SERAC1: variants seen among roughly 807,000 people sequenced by gnomAD.
The protein encoded by SERAC1 is serine active site containing 1, also known as protein SERAC1.
A neutral mutation model predicts 85.7 loss-of-function variants in SERAC1; 36 were observed. That is an observed-to-expected ratio of 0.42 (90% CI 0.32 to 0.55). The LOEUF is 0.55. Among genes scored for constraint, SERAC1 ranks in the 20% least tolerant of loss-of-function variants. The pLI is 0.11. For missense variants in SERAC1, 629 were observed against 796.2 expected (o/e 0.79, Z 2.53); for synonymous variants, 242 against 265.3 (o/e 0.91, Z 0.85).
At position 158,111,398 on chromosome 6, in the gene SERAC1, G is replaced by A. The variant is rs114624250; in HGVS notation, c.1933C>T (p.Arg645Cys). The A allele has an allele frequency of 2.5e-4, 404 of 1,603,836 alleles. 3 individuals are homozygous for A. In the East Asian group the frequency reaches 5.3e-3, roughly 21 times the overall value. ...FLYQRTLQFI[R>C]EALAKDLEN ...TCAAGGTCTTTGGCTAAAGCTTCAC[G>A]AATGAATTGTAAAGTACGCTGGTAC... is the stretch of plus-strand genomic sequence containing the variant. The change falls in exon 17 of 17, where the codon CGT becomes TGT. Residue 645 changes from arginine to cysteine, a missense_variant. By Grantham distance (180) the Arg-to-Cys change is radical (BLOSUM62 -3). Coordinates refer to ENST00000647468, the MANE Select transcript of SERAC1 (RefSeq NM_032861.4).
chr6:158,160,902 T>C (rs897044390), intron 1 of SERAC1: 7 of 152,210 alleles, frequency 4.6e-5, no homozygotes, highest in African/African-American at 1.4e-4. Context: ...CCTAAATATT[T>C]ACCAACATTT....
chr6:158,137,787 G>A (rs530674520), intron 8 of SERAC1, among the ~76,000 whole-genome samples: 1 of 152,254 alleles, frequency 6.6e-6, no homozygotes, highest in East Asian at 1.9e-4. Context: ...GCTGAGGTGA[G>A]AGGATCACTT....
intron 10 of SERAC1, among the ~76,000 whole-genome samples, chr6:158,122,608 C>T (rs1784448299): frequency 6.6e-6 from 1 of 152,102 alleles, no homozygotes; most frequent in African/African-American, 2.4e-5. Flanking sequence ...ATGTGAAACC[C>T]CATCTCTACT....
chr6:158,115,659 C>G (rs557701574), intron 14 of SERAC1, among the ~76,000 whole-genome samples: 1 of 152,094 alleles, frequency 6.6e-6, no homozygotes, highest in Non-Finnish European at 1.5e-5. Context: ...CTGGGGGAGT[C>G]GCACACAGGG....
In SERAC1 at chr6:158,160,188, A is replaced by G. The variant is rs138432723; in HGVS notation, c.-1-1824T>C. Among the ~76,000 whole-genome samples the G allele has an allele frequency of 6.5e-4, 98 of 150,780 alleles. 1 individual carries two copies. In the East Asian group the frequency reaches 0.018, roughly 27 times the overall value. ...TTAAAAGTTTCATACTGATTTGCGC[A>G]CTTGTCGATTTACCCCTTTTGTTGT... is the stretch of plus-strand genomic sequence containing the variant. On this transcript the variant is annotated intron_variant, in intron 1 of 16. Coordinates refer to ENST00000647468, the MANE Select transcript of SERAC1 (RefSeq NM_032861.4).
chr6:158,132,714 T>C (rs1784706536), intron 8 of SERAC1, among the ~76,000 whole-genome samples: 1 of 152,226 alleles, frequency 6.6e-6, no homozygotes, highest in Admixed American at 6.5e-5. Context: ...GCGAAGCTTG[T>C]TACCTATGAA....
chr6:158,152,535 A>T (rs777913673), intron 3 of SERAC1, among the ~76,000 whole-genome samples: 1 of 152,024 alleles, frequency 6.6e-6, no homozygotes, highest in Non-Finnish European at 1.5e-5. Context: ...AAAAAGTGTA[A>T]TGTAGCCTAA....
intron 5 of SERAC1, 34 bp downstream of exon 5, chr6:158,148,831 G>T: frequency 7.0e-7 from 1 of 1,419,422 alleles, no homozygotes; most frequent in Admixed American, 1.9e-5. Flanking sequence ...TCAGATTACT[G>T]ATAAGGATTC....
chr6:158,113,466 A>G lies in SERAC1; in HGVS notation c.1811T>C (p.Val604Ala). 1 of 1,613,696 alleles carries G rather than the reference A, an allele frequency of 6.2e-7. No individual in the cohort carries two copies. Among genetic ancestry groups the G allele is most frequent in the South Asian group, 1.1e-5 (1 of 91,018 alleles). ...GTGAATACCTGCTGATTCCACAGGT[A>G]CCACATGGAGCTTAATCATGCTGCC... ...YIGSMIKLHV[V>A]PVESADLGIG... The change falls in exon 16 of 17, where the codon GTA (valine) becomes GCA (alanine). Residue 604 changes from valine to alanine, a missense_variant. Coordinates refer to ENST00000647468, the MANE Select transcript of SERAC1 (RefSeq NM_032861.4).
intron 8 of SERAC1, among the ~76,000 whole-genome samples, chr6:158,132,568 C>T (rs961333884): frequency 6.6e-6 from 1 of 152,166 alleles, no homozygotes; most frequent in Non-Finnish European, 1.5e-5. Context: ...AATTATCTAT[C>T]TCATCTAGTT....
chr6:158,160,174 A>G (rs1267081532), intron 1 of SERAC1, among the ~76,000 whole-genome samples: 2 of 151,558 alleles, frequency 1.3e-5, no homozygotes, highest in South Asian at 2.1e-4. Flanking sequence ...TAAAAGTTTC[A>G]TACTGATTTG....
In SERAC1 at chr6:158,115,964, T is replaced by A. The variant is rs1784277335; in HGVS notation, c.1501+221A>T. ...TACGCTGTCAAACCCATATCCCTCT[T>A]AGATGATTTGTAACAGGTTGCCCTT... On this transcript the variant is annotated intron_variant, in intron 14 of 16. Coordinates refer to ENST00000647468, the MANE Select transcript of SERAC1 (RefSeq NM_032861.4). 2.0e-5 allele frequency among the ~76,000 whole-genome samples: 3 copies of A among 152,206 alleles called. No homozygotes were observed. In the South Asian group the frequency reaches 6.2e-4, roughly 32 times the overall value.
intron 10 of SERAC1, among the ~76,000 whole-genome samples, chr6:158,122,853 G>A (rs1029315088): frequency 3.3e-5 from 5 of 152,160 alleles, no homozygotes; most frequent in African/African-American, 1.2e-4. Context: ...TTCTGTGTCT[G>A]TACTTCAGCA....
At chr6:158,132,416 G>A (rs1371718879) in intron 8 of SERAC1, among the ~76,000 whole-genome samples, 1 of 152,192 alleles carries the variant, frequency 6.6e-6, no homozygotes, top group Non-Finnish European at 1.5e-5. Flanking sequence ...ATGGGGCTAA[G>A]TCATGAAAAG....
chr6:158,110,431 G>C lies in SERAC1; in HGVS notation c.*935C>G, dbSNP rs1160854559. 2 of 152,028 alleles carry C rather than the reference G, an allele frequency of 1.3e-5. No homozygotes were observed. 9.4% of individuals were successfully genotyped at this position (152,028 alleles called of 1,614,324 possible). ...AAAATGAATTGTATAATTTAAAAGG[G>C]TGAATCTTATGGTATGTAAATTATA... On this transcript the variant is annotated 3_prime_UTR_variant, in exon 17 of 17. Coordinates refer to ENST00000647468, the MANE Select transcript of SERAC1 (RefSeq NM_032861.4).
chr6:158,155,985 A>G (rs1785322654), intron 2 of SERAC1, among the ~76,000 whole-genome samples: 1 of 151,922 alleles, frequency 6.6e-6, no homozygotes, highest in South Asian at 2.1e-4. Flanking sequence ...TCTCTACTAA[A>G]TATTAAAAAA....
At chr6:158,127,179 C>T (rs1159796321) in intron 10 of SERAC1, among the ~76,000 whole-genome samples, 1 of 152,066 alleles carries the variant, frequency 6.6e-6, no homozygotes, top group Non-Finnish European at 1.5e-5. Flanking sequence ...CTTGCCTCTA[C>T]CAAAATAACA....
intron 3 of SERAC1, among the ~76,000 whole-genome samples, chr6:158,151,347 C>G (rs6909229): frequency 0.79 from 119,481 of 152,168 alleles, 47,795 homozygotes; most frequent in African/African-American, 0.94. Flanking sequence ...GGAGTTCAAG[C>G]CTGCGGCATG....
At chr6:158,150,345 A>G (rs1785172717) in intron 4 of SERAC1, 108 bp downstream of exon 4, 1 of 831,774 alleles carries the variant, frequency 1.2e-6, no homozygotes, top group African/African-American at 1.7e-5. Flanking sequence ...GGTGATTCTT[A>G]GAATTAGCTC....
Sources: gnomAD v4.1 joint callset for allele counts (sites outside exome capture counted in the v4.1 genomes callset) on GRCh38, gnomAD v4.1.1 for gene constraint, MANE v1.5 for transcripts, NCBI Gene and HGNC (gene_info 2026-07-23, HGNC 2026-07-21) for gene names.